The following HMCN1 variants were observed in gnomAD, a reference collection of about 807,000 sequenced individuals.
HMCN1 encodes hemicentin 1.
A neutral mutation model predicts 625.9 loss-of-function variants in HMCN1; 321 were observed. The observed-to-expected ratio is 0.51, with a 90% CI of 0.47 to 0.56. The LOEUF (loss-of-function observed/expected upper bound fraction) is 0.56. Among genes scored for constraint, HMCN1 ranks in the 20% least tolerant of loss-of-function variants. The pLI, the probability that HMCN1 is intolerant of heterozygous loss-of-function variation, is 0.00. For synonymous variants in HMCN1, 2,425 were observed against 2,417.6 expected (o/e 1.00, Z -0.09); for missense variants, 6,588 against 6,887.3 (o/e 0.96, Z 1.54).
intron 30 of HMCN1, among the ~76,000 whole-genome samples, chr1:186,010,693 G>A (rs961835972): frequency 6.6e-6 from 1 of 152,090 alleles, no homozygotes; most frequent in African/African-American, 2.4e-5. Context: ...TGAGTAAAAT[G>A]CTCTTTCTTA....
In HMCN1 at chr1:186,108,617, C is replaced by G. The variant is rs758248008; in HGVS notation, c.10989+20C>G. 6.2e-7 allele frequency: 1 copy of G among 1,613,874 alleles called. No homozygotes were observed. The highest frequency in any genetic ancestry group is 2.2e-5 in the East Asian group (1 of 44,858). On this transcript the variant is annotated intron_variant, in intron 71 of 106. Coordinates refer to ENST00000271588, the MANE Select transcript of HMCN1 (RefSeq NM_031935.3). The stretch of plus-strand genomic sequence containing the variant: ...TTACAGGTAAATTTTTTGATAAGCT[C>G]CACAAATTCCTTTTTGAGATGAAAA...
intron 4 of HMCN1, among the ~76,000 whole-genome samples, chr1:185,871,813 T>C (rs1208461028): frequency 6.6e-6 from 1 of 152,230 alleles, no homozygotes; most frequent in Non-Finnish European, 1.5e-5. Flanking sequence ...TTTTGGCTAA[T>C]GGCCATTTAG....
intron 6 of HMCN1, among the ~76,000 whole-genome samples, chr1:185,913,813 G>T (rs1666556260): frequency 6.6e-6 from 1 of 152,062 alleles, no homozygotes; most frequent in Non-Finnish European, 1.5e-5. Context: ...ACTGCTCTTG[G>T]CCATGTTCTG....
At chr1:185,814,358 G>C (rs922176011) in intron 1 of HMCN1, among the ~76,000 whole-genome samples, 5 of 152,270 alleles carry the variant, frequency 3.3e-5, no homozygotes, top group Non-Finnish European at 7.4e-5. Flanking sequence ...AACAGAGTTG[G>C]TGGGATACTT....
chr1:185,795,498 G>A (rs933846962), intron 1 of HMCN1, among the ~76,000 whole-genome samples: 1 of 152,118 alleles, frequency 6.6e-6, no homozygotes, highest in African/African-American at 2.4e-5. Context: ...TGCCAAGGAT[G>A]CAACTCAAGA....
intron 68 of HMCN1, among the ~76,000 whole-genome samples, chr1:186,100,075 C>T (rs568903219): frequency 3.3e-5 from 5 of 151,516 alleles, no homozygotes; most frequent in Non-Finnish European, 5.9e-5. Flanking sequence ...AGGGGGAGAG[C>T]GGGGAGAAAG....
rs1649290897 is a variant in HMCN1, at chr1:185,952,668, A to G, written c.1829-9850A>G. 2.0e-5 allele frequency among the ~76,000 whole-genome samples: 3 copies of G among 151,866 alleles called. No individual in the cohort carries two copies. In the South Asian group the frequency reaches 6.2e-4, roughly 32 times the overall value. ...GTATTGGGGTCAAGCGGCATTGCAGAAGAAAATAAGATGCTTAGATTTTAG... is the reference window on the plus strand; with the variant it reads ...GTATTGGGGTCAAGCGGCATTGCAGGAGAAAATAAGATGCTTAGATTTTAG... On this transcript the variant is annotated intron_variant, in intron 11 of 106. Transcript: ENST00000271588.
chr1:186,184,546 G>C (rs937642634), intron 105 of HMCN1, among the ~76,000 whole-genome samples: 1 of 152,124 alleles, frequency 6.6e-6, no homozygotes, highest in African/African-American at 2.4e-5. Context: ...CTAATTTTAT[G>C]CACCACTAAT....
chr1:185,836,029 A>G (rs757747135), intron 1 of HMCN1, among the ~76,000 whole-genome samples: 1 of 152,204 alleles, frequency 6.6e-6, no homozygotes, highest in East Asian at 1.9e-4. Context: ...AGAATACCAT[A>G]TCCTGACAAT....
At chr1:186,167,996 G>T (rs16824995) in intron 100 of HMCN1, among the ~76,000 whole-genome samples, 2 of 151,106 alleles carry the variant, frequency 1.3e-5, no homozygotes, top group Admixed American at 6.6e-5. Context: ...AATAAATGAC[G>T]CATGGTACAT....
intron 21 of HMCN1, 117 bp from the exon 22 acceptor site, chr1:185,990,157 TG>T: frequency 1.0e-6 from 1 of 961,226 alleles, no homozygotes. Context: ...GCTTATGTCC[TG>T]AATAGCATCT....
intron 69 of HMCN1, among the ~76,000 whole-genome samples, chr1:186,105,397 G>A (rs1283019707): frequency 1.3e-5 from 2 of 151,934 alleles, no homozygotes; most frequent in Non-Finnish European, 2.9e-5. Context: ...TTGTTTTTTC[G>A]TGTATTTATC....
Position 186,145,784 on chromosome 1 carries a change from G to A in HMCN1, c.14469G>A (p.Trp4823Ter). The change falls in exon 93 of 107, where the codon TGG (tryptophan) becomes TGA (stop). Residue 4823 changes from tryptophan (W) to a stop codon, truncating the protein, a stop_gained. Transcript: ENST00000271588. LOFTEE classifies it high-confidence loss of function. ...GAAGTTGGGGAAGCTGGCATAGTTG[G>A]AGCCAGTGCTCTGCCTCCTGTGGAG... ...VDGSWGSWHSWSQCSASCGGG... is the reference protein window; with the variant it reads ...VDGSWGSWHS The A allele has an allele frequency of 6.2e-7, 1 of 1,614,128 alleles. No homozygotes were observed. Among genetic ancestry groups the A allele is most frequent in the Non-Finnish European group, 8.5e-7 (1 of 1,180,000 alleles).
chr1:186,000,997 T>G (rs1653159278), intron 26 of HMCN1, among the ~76,000 whole-genome samples: 1 of 152,024 alleles, frequency 6.6e-6, no homozygotes, highest in Admixed American at 6.6e-5. Context: ...GTGACTTAAT[T>G]AAGACCCCAT....
chr1:186,189,488 A>G (rs769389574), intron 106 of HMCN1, 24 bp from the exon 107 acceptor site: 2 of 1,611,630 alleles, frequency 1.2e-6, no homozygotes, highest in South Asian at 2.2e-5. Flanking sequence ...AACTATGTGT[A>G]TTTGATATGT....
At position 186,172,126 on chromosome 1, in the gene HMCN1, G is replaced by C. The variant is rs1365630664; in HGVS notation, c.15809G>C (p.Cys5270Ser). ...ATGACCAAGGCAGAAAATGGAACCT[G>C]TATTGGTGAGTGTCTGGCTGTTTCC... ...NGMTKAENGT[C>S]IDIDECKDGT... is the part of the protein sequence containing the mutation. The change falls in exon 102 of 107, where the codon TGT becomes TCT. Residue 5270 changes from cysteine to serine, a missense_variant. By Grantham distance (112) the Cys-to-Ser change is moderately radical. This residue lies in a region of HMCN1 where 1,954 missense variants were observed against 2,013.1 expected (regional missense o/e 0.97). Transcript: ENST00000271588. The C allele has an allele frequency of 6.2e-7, 1 of 1,613,566 alleles. No individual in the cohort carries two copies. The highest frequency in any genetic ancestry group is 8.5e-7 in the Non-Finnish European group (1 of 1,179,646).
chr1:186,104,121 A>G (rs1660505752), intron 69 of HMCN1, among the ~76,000 whole-genome samples: 1 of 152,298 alleles, frequency 6.6e-6, no homozygotes, highest in Non-Finnish European at 1.5e-5. Flanking sequence ...GGTTTAGTTT[A>G]TGTTTAAGAA....
chr1:186,026,513 C>A (rs1055872682), intron 36 of HMCN1, among the ~76,000 whole-genome samples: 1 of 152,134 alleles, frequency 6.6e-6, no homozygotes, highest in African/African-American at 2.4e-5. Flanking sequence ...GCATACAATT[C>A]TTGTTCTATG....
At chr1:186,157,301 A>ACTAT (rs547397922) in intron 97 of HMCN1, among the ~76,000 whole-genome samples, 84 of 152,302 alleles carry the variant, frequency 5.5e-4, no homozygotes, top group African/African-American at 1.9e-3. Flanking sequence ...ATTGCCTTTT[A>ACTAT]CTATCTTGAA....
Sources: gnomAD v4.1 joint callset for allele counts (sites outside exome capture counted in the v4.1 genomes callset) on GRCh38, gnomAD v4.1.1 for gene constraint, gnomAD v4.1.1 regional missense constraint, MANE v1.5 for transcripts, NCBI Gene and HGNC (gene_info 2026-07-23, HGNC 2026-07-21) for gene names.